Variants in CREBRF observed in about 807,000 individuals in gnomAD.
CREBRF encodes the protein UPF0474 protein C5orf41.
In CREBRF, 5 loss-of-function variants were observed where a neutral mutation model predicts 66.1. The observed-to-expected ratio is 0.08, with a 90% CI of 0.04 to 0.16. The LOEUF (loss-of-function observed/expected upper bound fraction) is 0.16. Ranked by LOEUF, CREBRF falls within the 10% of genes least tolerant of loss-of-function variation. The probability of loss-of-function intolerance (pLI) is 1.00; values close to 1 mark genes in which losing one functional copy is unlikely to be tolerated. For missense variants in CREBRF, 531 were observed against 744.9 expected, an observed-to-expected ratio of 0.71 and a Z score of 3.34; for synonymous variants, 229 against 264.4, an observed-to-expected ratio of 0.87 and a Z score of 1.30.
chr5:173,072,475 A>C (rs1023578206), intron 1 of CREBRF, among the ~76,000 whole-genome samples: 6 of 151,756 alleles, frequency 4.0e-5, no homozygotes, highest in Non-Finnish European at 1.5e-5. Context: ...ACGAGGTTTC[A>C]CCGTGTTAGC....
intron 2 of CREBRF, among the ~76,000 whole-genome samples, chr5:173,082,697 C>T (rs1304405094): frequency 6.6e-6 from 1 of 151,514 alleles, no homozygotes; most frequent in Admixed American, 6.6e-5. Context: ...CACTTGAGGT[C>T]AGGAGTTTGA....
Position 173,077,137 on chromosome 5 carries a change from G to A in CREBRF, c.-191-3448G>A, listed in dbSNP as rs1449557046. On this transcript the variant is annotated intron_variant, in intron 1 of 8. Coordinates refer to ENST00000296953, the MANE Select transcript of CREBRF (RefSeq NM_153607.3). Reference sequence around the variant, plus strand: ...TTTTTGTATTTTTAGTAGAGACGGGGTTTCACCATATTGGCCAGGCTAGTC... The same window carrying A: ...TTTTTGTATTTTTAGTAGAGACGGGATTTCACCATATTGGCCAGGCTAGTC... 2.0e-5 allele frequency among the ~76,000 whole-genome samples: 3 copies of A among 151,848 alleles called. No individual in the cohort carries two copies. The East Asian group carries it at 5.9e-4, about 30-fold the overall frequency.
rs1249310760 is a variant in CREBRF, at chr5:173,138,819, T to C, written c.*5074T>C. ...TGCCTGCTTTTTTACCTTCTTTCCC[T>C]AGGATTTGTCCTACAGCTTAGTATT... On this transcript the variant is annotated 3_prime_UTR_variant, in exon 9 of 9. Transcript: ENST00000296953. 1 of 152,206 alleles carries C rather than the reference T, an allele frequency of 6.6e-6. No homozygotes were observed. The highest frequency in any genetic ancestry group is 1.5e-5 in the Non-Finnish European group (1 of 68,040). The allele number at this position is 152,206 out of a possible 1,614,324, so 9.4% of individuals were successfully genotyped here. A position where few individuals can be genotyped will look rare whatever the true frequency, so the allele number is the denominator to read the frequency against.
intron 1 of CREBRF, among the ~76,000 whole-genome samples, chr5:173,071,719 A>G (rs1441612742): frequency 1.3e-5 from 2 of 151,872 alleles, no homozygotes; most frequent in Non-Finnish European, 2.9e-5. Flanking sequence ...CAGTGTTAAT[A>G]TGACGTGTGG....
At chr5:173,080,388 TA>T (rs1757906059) in intron 1 of CREBRF, among the ~76,000 whole-genome samples, 196 bp from the exon 2 acceptor site, 1 of 151,924 alleles carries the variant, frequency 6.6e-6, no homozygotes, top group Non-Finnish European at 1.5e-5. Flanking sequence ...TTTAGAAAAA[TA>T]TAAGAGGAGG....
chr5:173,121,749 G>T (rs531265962), intron 7 of CREBRF, among the ~76,000 whole-genome samples: 1 of 152,266 alleles, frequency 6.6e-6, no homozygotes, highest in Admixed American at 6.5e-5. Flanking sequence ...CCTGTGATTC[G>T]ATATAGCAGG....
intron 2 of CREBRF, among the ~76,000 whole-genome samples, chr5:173,084,760 G>A (rs1311334432): frequency 6.6e-6 from 1 of 152,020 alleles, no homozygotes; most frequent in Non-Finnish European, 1.5e-5. Context: ...TCTTGCCTCA[G>A]TCTCCGGAGT....
intron 3 of CREBRF, among the ~76,000 whole-genome samples, chr5:173,088,587 G>A (rs1210785003): frequency 6.6e-6 from 1 of 151,354 alleles, no homozygotes; most frequent in African/African-American, 2.4e-5. Context: ...CTTTTCAGCT[G>A]GAAAACATTG....
chr5:173,097,591 G>T (rs1202006368), intron 4 of CREBRF, among the ~76,000 whole-genome samples: 1 of 151,984 alleles, frequency 6.6e-6, no homozygotes, highest in Non-Finnish European at 1.5e-5. Context: ...TTATTGGTTT[G>T]TTGAACTTTT....
chr5:173,069,319 A>G (rs565657188), intron 1 of CREBRF, among the ~76,000 whole-genome samples: 2 of 152,148 alleles, frequency 1.3e-5, no homozygotes, highest in African/African-American at 4.8e-5. Context: ...GAGAGTCTGG[A>G]ATGAAATTCT....
chr5:173,133,564 C>A, intron 8 of CREBRF, 66 bp from the exon 9 acceptor site: 1 of 850,266 alleles, frequency 1.2e-6, no homozygotes, highest in Admixed American at 2.2e-5. Context: ...TTTTTACCAG[C>A]TCCTTCCCTT....
chr5:173,076,214 G>A (rs1389471087), intron 1 of CREBRF, among the ~76,000 whole-genome samples: 2 of 152,136 alleles, frequency 1.3e-5, no homozygotes, highest in Non-Finnish European at 1.5e-5. Context: ...TGAGACAGAG[G>A]AAGTTGAGCT....
intron 7 of CREBRF, among the ~76,000 whole-genome samples, chr5:173,112,873 A>C (rs1263997768): frequency 6.6e-6 from 1 of 152,188 alleles, no homozygotes; most frequent in East Asian, 1.9e-4. Flanking sequence ...TTGATTGCTC[A>C]TTGGAATTGT....
intron 3 of CREBRF, among the ~76,000 whole-genome samples, chr5:173,087,688 A>G (rs943116144): frequency 1.3e-5 from 2 of 150,728 alleles, no homozygotes; most frequent in Non-Finnish European, 1.5e-5. Flanking sequence ...TGGAGTCTCA[A>G]AAAGAAAAAG....
intron 2 of CREBRF, among the ~76,000 whole-genome samples, chr5:173,084,957 T>C (rs1222253451): frequency 6.6e-6 from 1 of 151,930 alleles, no homozygotes; most frequent in Non-Finnish European, 1.5e-5. Flanking sequence ...TTTTTTATTT[T>C]TTGAGATGGA....
intron 1 of CREBRF, among the ~76,000 whole-genome samples, chr5:173,058,733 C>T (rs533049464): frequency 6.6e-6 from 1 of 151,284 alleles, no homozygotes; most frequent in African/African-American, 2.4e-5. Flanking sequence ...GATCCGCCCC[C>T]CTCGGCCTCC....
Position 173,123,073 on chromosome 5 carries a change from C to G in CREBRF, c.1682-7C>G. 1.9e-6 allele frequency: 3 copies of G among 1,587,102 alleles called. No homozygotes were observed. Among genetic ancestry groups the G allele is most frequent in the Non-Finnish European group, 2.6e-6 (3 of 1,172,770 alleles). ...ACATATTCCAAGTGTTTTGTTCTGT[C>G]TTACAGATAATTTATTGTTTGTAAT... On this transcript the variant is annotated splice_polypyrimidine_tract_variant and splice_region_variant and intron_variant, in intron 7 of 8. Transcript: ENST00000296953.
At chr5:173,064,559 A>ATTT (rs1217486982) in intron 1 of CREBRF, among the ~76,000 whole-genome samples, 36 of 107,618 alleles carry the variant, frequency 3.3e-4, no homozygotes, top group East Asian at 5.0e-4. Flanking sequence ...CACCTGGTTA[A>ATTT]TTTTTTTTTT....
intron 1 of CREBRF, among the ~76,000 whole-genome samples, chr5:173,063,452 C>T (rs1000938922): frequency 6.6e-6 from 1 of 152,266 alleles, no homozygotes; most frequent in East Asian, 1.9e-4. Context: ...ACTGCAACCT[C>T]TGCCTCCTGG....
Sources: gnomAD v4.1 joint callset for allele counts (sites outside exome capture counted in the v4.1 genomes callset) on GRCh38, gnomAD v4.1.1 for gene constraint, MANE v1.5 for transcripts, NCBI Gene and HGNC (gene_info 2026-07-23, HGNC 2026-07-21) for gene names.